Variants in FECH observed in about 807,000 individuals in gnomAD.
FECH encodes the protein ferrochelatase, mitochondrial.
In FECH, 40 loss-of-function variants were observed where a neutral mutation model predicts 56.9. That is an observed-to-expected ratio of 0.70 (90% CI 0.55 to 0.92). The LOEUF (loss-of-function observed/expected upper bound fraction) is 0.92, where lower values mean the gene tolerates loss of function less well. Ranked by LOEUF, FECH falls within the 40% of genes least tolerant of loss-of-function variation. FECH has a pLI of 0.00. For synonymous variants in FECH, 175 were observed against 198.6 expected (o/e 0.88, Z 1.00); for missense variants, 431 against 529.1 (o/e 0.81, Z 1.82).
intron 4 of FECH, among the ~76,000 whole-genome samples, chr18:57,569,384 G>A (rs578102524): frequency 6.6e-6 from 1 of 152,132 alleles, no homozygotes; most frequent in African/African-American, 2.4e-5. Flanking sequence ...CCTAAAAAAC[G>A]ACAGCATGAA....
chr18:57,558,167 A>G (rs922490186), intron 7 of FECH, among the ~76,000 whole-genome samples: 1 of 152,212 alleles, frequency 6.6e-6, no homozygotes, highest in Non-Finnish European at 1.5e-5. Flanking sequence ...TGAAGATGTA[A>G]TTATCCACCT....
chr18:57,571,361 C>T (rs769796605), intron 4 of FECH, 31 bp downstream of exon 4: 2 of 1,607,894 alleles, frequency 1.2e-6, no homozygotes, highest in African/African-American at 2.7e-5. Flanking sequence ...AAGAACTAAT[C>T]TAGTTACATG....
rs772251466 is a variant in FECH at position 57,559,112 on chromosome 18, C to T, written c.804+33G>A. 3.6e-6 allele frequency: 5 copies of T among 1,387,128 alleles called. No individual in the cohort carries two copies. The Admixed American group carries it at 8.4e-5, about 23-fold the overall frequency. The allele number at this position is 1,387,128 out of a possible 1,614,324, so 85.9% of individuals were successfully genotyped here. On this transcript the variant is annotated intron_variant, in intron 7 of 10. Transcript: ENST00000262093. The stretch of plus-strand genomic sequence containing the variant: ...AAAATGAAATCACCCAATCCTCTAT[C>T]ACTAGGTCATCCCAGAAAATGTTCT...
At chr18:57,559,099 C>T (rs1370024467) in intron 7 of FECH, 46 bp downstream of exon 7, 2 of 1,269,900 alleles carry the variant, frequency 1.6e-6, no homozygotes, top group Admixed American at 3.4e-5. Flanking sequence ...AATGAAATCA[C>T]CCAATCCTCT....
At chr18:57,579,903 G>A (rs2051250311) in intron 2 of FECH, 170 bp downstream of exon 2, 1 of 840,624 alleles carries the variant, frequency 1.2e-6, no homozygotes, top group African/African-American at 1.7e-5. Context: ...GGATCCAGTG[G>A]GGAAGGAGGG....
Position 57,554,250 on chromosome 18 carries a change from G to GTGCA in FECH, c.1077+6_1077+9dup. Reference sequence around the variant, plus strand: ...GTCATGATGGGAAAAAGGCAGATGGGTGCATTTACCTCCTTGGCTAAAACT... The same window carrying GTGCA: ...GTCATGATGGGAAAAAGGCAGATGGGTGCATGCATTTACCTCCTTGGCTAAAACT... On this transcript the variant is annotated intron_variant, in intron 9 of 10. Coordinates refer to ENST00000262093, the MANE Select transcript of FECH (RefSeq NM_000140.5). The GTGCA allele has an allele frequency of 6.2e-7, 1 of 1,614,154 alleles. No individual in the cohort carries two copies. Among genetic ancestry groups the GTGCA allele is most frequent in the Non-Finnish European group, 8.5e-7 (1 of 1,179,992 alleles).
At position 57,554,872 on chromosome 18, in the gene FECH, G is replaced by T; in HGVS notation, c.885C>A (p.Asn295Lys). The change falls in exon 8 of 11, where the codon AAC (asparagine) becomes AAA (lysine). Residue 295 changes from asparagine (N) to lysine (K), a missense_variant. Physicochemically the swap from Asn to Lys is moderately conservative, Grantham distance 94 (BLOSUM62 0). Transcript: ENST00000262093. ...TGGATTGCCACACCAGTCGGTAGGG[G>T]TTGCAGTACTCCAGCCTTTCCATGA... Reference protein sequence around the residue: ...QKVMERLEYCNPYRLVWQSKV... With the variant: ...QKVMERLEYCKPYRLVWQSKV... The T allele has an allele frequency of 1.2e-6, 2 of 1,614,158 alleles. No individual in the cohort carries two copies. Among genetic ancestry groups the T allele is most frequent in the Non-Finnish European group, 1.7e-6 (2 of 1,180,002 alleles).
At chr18:57,565,348 G>A (rs1274418540) in intron 5 of FECH, among the ~76,000 whole-genome samples, 3 of 152,198 alleles carry the variant, frequency 2.0e-5, no homozygotes, top group African/African-American at 7.2e-5. Flanking sequence ...GCTCACGCCT[G>A]TAATCCCAGT....
chr18:57,567,254 AT>A, intron 4 of FECH, among the ~76,000 whole-genome samples: 1 of 152,234 alleles, frequency 6.6e-6, no homozygotes, highest in East Asian at 1.9e-4. Flanking sequence ...CATTACACAT[AT>A]AAAACAGTGC....
rs2050776965 is a variant in FECH, at chr18:57,550,052, C to T, written c.*660G>A. The T allele has an allele frequency of 6.5e-6, 1 of 152,738 alleles. No individual in the cohort carries two copies. Among genetic ancestry groups the T allele is most frequent in the Non-Finnish European group, 1.5e-5 (1 of 68,542 alleles). The allele number at this position is 152,738 out of a possible 1,614,324, so 9.5% of individuals were successfully genotyped here. On this transcript the variant is annotated 3_prime_UTR_variant, in exon 11 of 11. Coordinates refer to ENST00000262093, the MANE Select transcript of FECH (RefSeq NM_000140.5). ...ACTGTACTTGTACACGTTTATTACC[C>T]TTGGGTGTATGGGGAATCTAAGAGC...
chr18:57,584,004 C>T (rs1489342787), intron 1 of FECH, among the ~76,000 whole-genome samples: 1 of 151,976 alleles, frequency 6.6e-6, no homozygotes, highest in Non-Finnish European at 1.5e-5. Flanking sequence ...CACAGTGAAA[C>T]CCATCTCTAC....
Position 57,544,525 on chromosome 18 carries a change from C to T in FECH, c.*6187G>A, listed in dbSNP as rs2050696626. ...CAGAGAATGCTTTTGTTGATGTTTACCAAGCTCTCGCATCTGCAGCCAACC... is the reference window on the plus strand; with the variant it reads ...CAGAGAATGCTTTTGTTGATGTTTATCAAGCTCTCGCATCTGCAGCCAACC... On this transcript the variant is annotated 3_prime_UTR_variant, in exon 11 of 11. Transcript: ENST00000262093. 6.6e-6 allele frequency among the ~76,000 whole-genome samples: 1 copy of T among 152,200 alleles called. No homozygotes were observed. Among genetic ancestry groups the T allele is most frequent in the South Asian group, 2.1e-4 (1 of 4,824 alleles).
Position 57,547,926 on chromosome 18 carries a change from G to A in FECH, c.*2786C>T, listed in dbSNP as rs1466122479. 6.6e-6 allele frequency among the ~76,000 whole-genome samples: 1 copy of A among 152,094 alleles called. No individual in the cohort carries two copies. The highest frequency in any genetic ancestry group is 2.1e-4 in the South Asian group (1 of 4,826). ...ATTGGAATTACACATGTAAGGCACG[G>A]CACCCAGCCTCACATTTAAAGGGCT... is the stretch of plus-strand genomic sequence containing the variant. On this transcript the variant is annotated 3_prime_UTR_variant, in exon 11 of 11. Coordinates refer to ENST00000262093, the MANE Select transcript of FECH (RefSeq NM_000140.5).
rs151197779 is a variant in FECH, at chr18:57,545,573, G to A, written c.*5139C>T. Among the ~76,000 whole-genome samples the A allele has an allele frequency of 6.6e-3, 1,001 of 152,294 alleles. 15 individuals are homozygous for A. The highest frequency in any genetic ancestry group is 0.022 in the African/African-American group (898 of 41,556). ...CTTTGGCAAGATGCATCAGACGCAC[G>A]GAGCGATGGTCTGGCTGAAGGGCAC... On this transcript the variant is annotated 3_prime_UTR_variant, in exon 11 of 11. Transcript: ENST00000262093.
At chr18:57,581,872 C>T (rs2051283411) in intron 1 of FECH, among the ~76,000 whole-genome samples, 1 of 152,100 alleles carries the variant, frequency 6.6e-6, no homozygotes, top group Non-Finnish European at 1.5e-5. Context: ...ATTAGATTTC[C>T]AACCACCCAG....
intron 1 of FECH, among the ~76,000 whole-genome samples, chr18:57,583,331 C>T (rs527871541): frequency 3.9e-5 from 6 of 152,346 alleles, no homozygotes; most frequent in African/African-American, 1.4e-4. Context: ...GGCAGCATTG[C>T]GTGGCGTAGA....
rs1443638582 is a variant in FECH, at chr18:57,560,967, T to C, written c.706-1724A>G. Among the ~76,000 whole-genome samples, 6 of 152,266 alleles carry C rather than the reference T, an allele frequency of 3.9e-5. No homozygotes were observed. The South Asian group carries it at 1.0e-3, about 26-fold the overall frequency. On this transcript the variant is annotated intron_variant, in intron 6 of 10. Transcript: ENST00000262093. ...GCATAAAATGGTACCTAAAGTTAAG[T>C]TCCCTTTTCAGAATTTATAATGTAA...
chr18:57,563,960 C>T (rs937730427), intron 5 of FECH, among the ~76,000 whole-genome samples: 1 of 152,146 alleles, frequency 6.6e-6, no homozygotes, highest in African/African-American at 2.4e-5. Flanking sequence ...CTTACCGCAA[C>T]CTCCAACTCT....
At chr18:57,555,562 T>G (rs1170131284) in intron 7 of FECH, among the ~76,000 whole-genome samples, 1 of 152,238 alleles carries the variant, frequency 6.6e-6, no homozygotes. Context: ...GATCCCTTGT[T>G]AATACCTTTG....
Sources: gnomAD v4.1 joint callset for allele counts (sites outside exome capture counted in the v4.1 genomes callset) on GRCh38, gnomAD v4.1.1 for gene constraint, MANE v1.5 for transcripts, NCBI Gene and HGNC (gene_info 2026-07-23, HGNC 2026-07-21) for gene names.